Variants in ZNF804A observed in about 807,000 individuals in gnomAD.
The protein encoded by ZNF804A is zinc finger protein 804A.
In ZNF804A, 2 loss-of-function variants were observed where a neutral mutation model predicts 16.5. The ratio of observed to expected loss-of-function variants is 0.12; its 90% CI spans 0.05 to 0.38. The LOEUF is 0.38. Among genes scored for constraint, ZNF804A ranks in the 10% least tolerant of loss-of-function variants. The probability of loss-of-function intolerance (pLI) is 0.99; values close to 1 mark genes in which losing one functional copy is unlikely to be tolerated. For synonymous variants in ZNF804A, 534 were observed against 489.6 expected (o/e 1.09, Z -1.20); for missense variants, 1,473 against 1,390.7 (o/e 1.06, Z -0.94).
intron 1 of ZNF804A, among the ~76,000 whole-genome samples, chr2:184,646,855 A>T (rs1388071298): frequency 2.6e-5 from 4 of 152,210 alleles, no homozygotes; most frequent in African/African-American, 7.2e-5. Flanking sequence ...CTGCCATCAG[A>T]GGACCTGTCG....
intron 1 of ZNF804A, among the ~76,000 whole-genome samples, chr2:184,650,682 A>G (rs1160951156): frequency 6.6e-6 from 1 of 151,440 alleles, no homozygotes; most frequent in Non-Finnish European, 1.5e-5. Flanking sequence ...CCCATTTACA[A>G]TAGCTAAAAC....
chr2:184,876,705 T>C (rs1161268883), intron 2 of ZNF804A, among the ~76,000 whole-genome samples: 1 of 152,150 alleles, frequency 6.6e-6, no homozygotes, highest in Non-Finnish European at 1.5e-5. Context: ...ATCTGAAATG[T>C]TGCCATTTTC....
intron 1 of ZNF804A, among the ~76,000 whole-genome samples, chr2:184,622,384 T>A (rs993328328): frequency 9.0e-5 from 9 of 99,704 alleles, no homozygotes; most frequent in African/African-American, 4.2e-4. Context: ...TGAGTCAAAT[T>A]TGAACTTAAC....
At chr2:184,848,205 C>A (rs1695549317) in intron 1 of ZNF804A, among the ~76,000 whole-genome samples, 1 of 152,026 alleles carries the variant, frequency 6.6e-6, no homozygotes, top group Non-Finnish European at 1.5e-5. Flanking sequence ...AGCCACCAAT[C>A]ATCTCATTAG....
intron 1 of ZNF804A, among the ~76,000 whole-genome samples, chr2:184,855,498 C>G (rs556790465): frequency 6.6e-6 from 1 of 151,966 alleles, no homozygotes; most frequent in East Asian, 1.9e-4. Context: ...TGTACTGTCC[C>G]CCAAATGTGA....
At chr2:184,846,550 G>T (rs552218814) in intron 1 of ZNF804A, among the ~76,000 whole-genome samples, 1 of 152,134 alleles carries the variant, frequency 6.6e-6, no homozygotes, top group Admixed American at 6.6e-5. Flanking sequence ...ACCTCAGCTA[G>T]TATTTAGTTT....
At chr2:184,694,424 A>G (rs966482751) in intron 1 of ZNF804A, among the ~76,000 whole-genome samples, 1 of 152,180 alleles carries the variant, frequency 6.6e-6, no homozygotes, top group African/African-American at 2.4e-5. Flanking sequence ...GTATTTTTAT[A>G]TAATTATGTG....
At chr2:184,657,663 C>T (rs375799078) in intron 1 of ZNF804A, among the ~76,000 whole-genome samples, 1 of 152,154 alleles carries the variant, frequency 6.6e-6, no homozygotes, top group Non-Finnish European at 1.5e-5. Flanking sequence ...TGAATAATCA[C>T]TGGTCTTCTC....
chr2:184,821,399 A>G (rs1028928637), intron 1 of ZNF804A, among the ~76,000 whole-genome samples: 4 of 152,166 alleles, frequency 2.6e-5, no homozygotes, highest in Admixed American at 2.0e-4. Flanking sequence ...CTTACACTTT[A>G]TACAAAAATT....
At chr2:184,884,614 C>G (rs555225937) in intron 2 of ZNF804A, among the ~76,000 whole-genome samples, 2 of 152,078 alleles carry the variant, frequency 1.3e-5, no homozygotes, top group South Asian at 4.2e-4. Context: ...AACCATAGAC[C>G]AATGGAACAG....
At chr2:184,685,554 T>C (rs1462302974) in intron 1 of ZNF804A, among the ~76,000 whole-genome samples, 8 of 152,198 alleles carry the variant, frequency 5.3e-5, no homozygotes, top group Middle Eastern at 3.4e-3. Context: ...AGGAGCTTCA[T>C]TGAGTGACAG....
intron 1 of ZNF804A, among the ~76,000 whole-genome samples, chr2:184,717,097 A>G (rs1693227271): frequency 6.6e-6 from 1 of 152,162 alleles, no homozygotes. Flanking sequence ...AACGAATTAG[A>G]CATAAATAAA....
At chr2:184,824,904 A>G (rs1264591831) in intron 1 of ZNF804A, among the ~76,000 whole-genome samples, 3 of 152,042 alleles carry the variant, frequency 2.0e-5, no homozygotes, top group South Asian at 2.1e-4. Flanking sequence ...CAAAGGGAAG[A>G]CTGTGACCAT....
intron 2 of ZNF804A, among the ~76,000 whole-genome samples, chr2:184,919,668 C>A (rs574928388): frequency 6.6e-6 from 1 of 152,190 alleles, no homozygotes; most frequent in South Asian, 2.1e-4. Flanking sequence ...TTCTAACCAT[C>A]CAGCCAACCC....
rs150514566 is a variant in ZNF804A, at chr2:184,647,105, G to A, written c.111+48035G>A. Among the ~76,000 whole-genome samples the A allele has an allele frequency of 1.7e-3, 258 of 152,312 alleles. 3 individuals carry two copies. The East Asian group carries it at 0.022, about 13-fold the overall frequency. The stretch of plus-strand genomic sequence containing the variant: ...ACAGGCCAATAGAAACCTGTCTAAA[G>A]AAATGCATAGGTTTATAGAAGTTAA... On this transcript the variant is annotated intron_variant, in intron 1 of 3. Coordinates refer to ENST00000302277, the MANE Select transcript of ZNF804A (RefSeq NM_194250.2).
At chr2:184,602,633 A>G (rs985124888) in intron 1 of ZNF804A, among the ~76,000 whole-genome samples, 2 of 151,994 alleles carry the variant, frequency 1.3e-5, no homozygotes, top group South Asian at 2.1e-4. Context: ...CCCTTTAATC[A>G]CTTTAATATG....
intron 1 of ZNF804A, among the ~76,000 whole-genome samples, chr2:184,850,307 T>A (rs932831099): frequency 6.6e-6 from 1 of 151,882 alleles, no homozygotes; most frequent in Non-Finnish European, 1.5e-5. Context: ...AGACATTATA[T>A]GCCTATATCA....
At chr2:184,624,105 A>G (rs1559110985) in intron 1 of ZNF804A, among the ~76,000 whole-genome samples, 1 of 152,166 alleles carries the variant, frequency 6.6e-6, no homozygotes, top group Non-Finnish European at 1.5e-5. Flanking sequence ...GTGCTGGCCC[A>G]TTAATACATT....
At chr2:184,748,433 G>C (rs182256574) in intron 1 of ZNF804A, among the ~76,000 whole-genome samples, 1 of 151,392 alleles carries the variant, frequency 6.6e-6, no homozygotes, top group Non-Finnish European at 1.5e-5. Context: ...CTTCTTTTGA[G>C]AAGTGTCTGT....
Sources: allele counts gnomAD v4.1 joint callset (sites outside exome capture counted in the v4.1 genomes callset), GRCh38; gene constraint gnomAD v4.1.1; transcripts MANE v1.5; gene names NCBI Gene and HGNC (gene_info 2026-07-23, HGNC 2026-07-21).